Variants in PRPSAP1 observed in about 807,000 individuals in gnomAD.
PRPSAP1 encodes phosphoribosyl pyrophosphate synthetase associated protein 1.
Under a neutral mutation model 39.4 loss-of-function variants are expected in PRPSAP1, and 31 were observed. That is an observed-to-expected ratio of 0.79 (90% CI 0.59 to 1.06). The LOEUF is 1.06. PRPSAP1 is among the 50% of genes least tolerant of loss of function. The pLI is 0.00. For missense variants in PRPSAP1, 430 were observed against 511.6 expected (o/e 0.84, Z 1.54); for synonymous variants, 212 against 192.6 (o/e 1.10, Z -0.83).
chr17:76,313,038 T>C (rs372203099), intron 8 of PRPSAP1, 22 bp from the exon 9 acceptor site: 59 of 1,610,720 alleles, frequency 3.7e-5, no homozygotes, highest in Middle Eastern at 1.7e-4. Flanking sequence ...ACAGAGTGAG[T>C]TGGTAGGAAA....
chr17:76,313,485 G>A (rs1455858931), intron 8 of PRPSAP1: 1 of 309,222 alleles, frequency 3.2e-6, no homozygotes, highest in African/African-American at 2.1e-5. Context: ...TCTTACTTGT[G>A]AAAACGGAAC....
intron 6 of PRPSAP1, 73 bp downstream of exon 6, chr17:76,329,970 T>C (rs2071303442): frequency 1.4e-6 from 2 of 1,445,558 alleles, no homozygotes; most frequent in South Asian, 1.2e-5. Flanking sequence ...TGACAGCCTC[T>C]GGATTCCAAA....
At chr17:76,332,124 A>G in intron 4 of PRPSAP1, 139 bp downstream of exon 4, 1 of 1,016,274 alleles carries the variant, frequency 9.8e-7, no homozygotes. Context: ...AACCGAGCTC[A>G]CATATCCTTA....
chr17:76,350,919 T>C (rs2071561524), intron 1 of PRPSAP1, among the ~76,000 whole-genome samples: 1 of 151,776 alleles, frequency 6.6e-6, no homozygotes, highest in South Asian at 2.1e-4. Context: ...TAATCCCAGC[T>C]ACTTGGGAGG....
At chr17:76,328,676 T>C in intron 7 of PRPSAP1, 41 bp downstream of exon 7, 1 of 1,591,820 alleles carries the variant, frequency 6.3e-7, no homozygotes, top group Non-Finnish European at 8.5e-7. Context: ...AAAAACTTTC[T>C]TCAATTTACA....
chr17:76,348,658 T>G, intron 1 of PRPSAP1, 77 bp from the exon 2 acceptor site: 1 of 1,056,776 alleles, frequency 9.5e-7, no homozygotes, highest in Non-Finnish European at 1.3e-6. Flanking sequence ...TGCATATGTC[T>G]AATAAAAAGA....
In PRPSAP1 at chr17:76,352,644, C is replaced by CAAA. The variant is rs55986677; in HGVS notation, c.170+887_170+889dup. Among the ~76,000 whole-genome samples the CAAA allele has an allele frequency of 3.2e-3, 171 of 53,478 alleles. 1 individual carries two copies. Among genetic ancestry groups the CAAA allele is most frequent in the African/African-American group, 7.1e-3 (121 of 17,132 alleles). 35.1% of individuals were successfully genotyped at this position (53,478 alleles called of 152,430 possible). On this transcript the variant is annotated intron_variant, in intron 1 of 9. Coordinates refer to ENST00000446526, the MANE Select transcript of PRPSAP1 (RefSeq NM_002766.3). ...TGGGTGACAGAGCGAGACTCCGTCT[C>CAAA]AAAAAAAAAAAAAAAAAAAAAAAGA...
chr17:76,321,812 C>G (rs1200794167), intron 7 of PRPSAP1, among the ~76,000 whole-genome samples: 1 of 152,066 alleles, frequency 6.6e-6, no homozygotes, highest in Non-Finnish European at 1.5e-5. Context: ...AGGAAAAGTT[C>G]ATGAAGGACA....
chr17:76,320,141 A>G (rs2143466876), intron 7 of PRPSAP1, among the ~76,000 whole-genome samples: 1 of 152,056 alleles, frequency 6.6e-6, no homozygotes, highest in Non-Finnish European at 1.5e-5. Context: ...GTGGTGGTGC[A>G]TGCCTGTAAT....
intron 6 of PRPSAP1, among the ~76,000 whole-genome samples, chr17:76,329,619 C>T (rs1430097201): frequency 1.3e-5 from 2 of 151,992 alleles, no homozygotes; most frequent in Non-Finnish European, 2.9e-5. Context: ...GCCTGTAATC[C>T]CAGCTACTGG....
chr17:76,325,796 C>T (rs1002657601), intron 7 of PRPSAP1, among the ~76,000 whole-genome samples: 12 of 151,890 alleles, frequency 7.9e-5, no homozygotes, highest in Non-Finnish European at 1.0e-4. Flanking sequence ...TTAGTAGAGA[C>T]GCGATTTCAC....
At chr17:76,350,417 C>A (rs1011029705) in intron 1 of PRPSAP1, among the ~76,000 whole-genome samples, 1 of 150,508 alleles carries the variant, frequency 6.6e-6, no homozygotes, top group Admixed American at 6.7e-5. Flanking sequence ...CCAGCCTGTG[C>A]GACAGAGTGA....
chr17:76,315,922 G>T (rs551899353), intron 7 of PRPSAP1, among the ~76,000 whole-genome samples: 1 of 151,308 alleles, frequency 6.6e-6, no homozygotes, highest in East Asian at 2.0e-4. Context: ...CACCACGTTG[G>T]CCAGGCCACC....
In PRPSAP1 at chr17:76,348,518, T is replaced by C. The variant is rs2071534554; in HGVS notation, c.223+11A>G. 3 of 1,421,770 alleles carry C rather than the reference T, an allele frequency of 2.1e-6. No individual in the cohort carries two copies. The highest frequency in any genetic ancestry group is 2.2e-4 in the Middle Eastern group (1 of 4,630). 88.1% of individuals were successfully genotyped at this position (1,421,770 alleles called of 1,614,324 possible). On this transcript the variant is annotated intron_variant, in intron 2 of 9. Coordinates refer to ENST00000446526, the MANE Select transcript of PRPSAP1 (RefSeq NM_002766.3). ...AAATAATTTTAAAAAAAAGAAATAA[T>C]TTTAACTTACCTCCATTGGTCTCTT...
intron 8 of PRPSAP1, 119 bp downstream of exon 8, chr17:76,313,702 A>G: frequency 8.9e-7 from 1 of 1,125,102 alleles, no homozygotes; most frequent in South Asian, 1.3e-5. Flanking sequence ...AGTTTGGGTG[A>G]GAAAGGATAC....
At chr17:76,345,405 T>C (rs2071488934) in intron 2 of PRPSAP1, among the ~76,000 whole-genome samples, 2 of 151,886 alleles carry the variant, frequency 1.3e-5, no homozygotes, top group South Asian at 4.2e-4. Context: ...AGGCAGAGCT[T>C]GCAGTGAGCC....
intron 3 of PRPSAP1, among the ~76,000 whole-genome samples, chr17:76,337,580 A>C (rs2071393531): frequency 1.3e-5 from 2 of 152,038 alleles, no homozygotes; most frequent in South Asian, 4.1e-4. Context: ...GTAACAATTA[A>C]TCATCTGCAG....
chr17:76,317,049 A>C (rs1263944753), intron 7 of PRPSAP1, among the ~76,000 whole-genome samples: 1 of 152,260 alleles, frequency 6.6e-6, no homozygotes, highest in Non-Finnish European at 1.5e-5. Flanking sequence ...ATGTCAAACC[A>C]TATCAACAAA....
At chr17:76,338,286 T>G (rs1397649668) in intron 3 of PRPSAP1, among the ~76,000 whole-genome samples, 1 of 152,230 alleles carries the variant, frequency 6.6e-6, no homozygotes, top group Non-Finnish European at 1.5e-5. Flanking sequence ...AAGCTTATTT[T>G]AATGTCTAAG....
Sources: allele counts gnomAD v4.1 joint callset (sites outside exome capture counted in the v4.1 genomes callset), GRCh38; gene constraint gnomAD v4.1.1; transcripts MANE v1.5; gene names NCBI Gene and HGNC (gene_info 2026-07-23, HGNC 2026-07-21).